The following CREB1 variants were observed in gnomAD, a reference collection of about 807,000 sequenced individuals.
CREB1 encodes cAMP responsive element binding protein 1.
In CREB1, 2 loss-of-function variants were observed where a neutral mutation model predicts 42.0. The observed-to-expected ratio is 0.05, with a 90% CI of 0.02 to 0.15. The LOEUF (loss-of-function observed/expected upper bound fraction) is 0.15, where lower values mean the gene tolerates loss of function less well. CREB1 is among the 10% of genes least tolerant of loss of function. CREB1 has a pLI of 1.00. For missense variants in CREB1, 199 were observed against 388.9 expected, an observed-to-expected ratio of 0.51 and a Z score of 4.11; for synonymous variants, 123 against 139.9, an observed-to-expected ratio of 0.88 and a Z score of 0.85.
chr2:207,590,093 T>TG (rs1445391262), intron 7 of CREB1, among the ~76,000 whole-genome samples: 3 of 141,102 alleles, frequency 2.1e-5, no homozygotes, highest in Non-Finnish European at 3.2e-5. Flanking sequence ...GTTTTTTTTT[T>TG]TTTTTTTTTT....
At chr2:207,537,828 G>A (rs537441324) in intron 1 of CREB1, among the ~76,000 whole-genome samples, 1 of 152,156 alleles carries the variant, frequency 6.6e-6, no homozygotes, top group South Asian at 2.1e-4. Context: ...GCCAGACAAG[G>A]CCCTATGAAG....
chr2:207,564,333 C>T (rs954964532), intron 3 of CREB1, among the ~76,000 whole-genome samples: 3 of 151,916 alleles, frequency 2.0e-5, no homozygotes, highest in African/African-American at 4.8e-5. Flanking sequence ...CATAGCAAGA[C>T]CCTGTCTCTA....
At chr2:207,569,678 T>C (rs2082279571) in intron 4 of CREB1, among the ~76,000 whole-genome samples, 8 of 152,084 alleles carry the variant, frequency 5.3e-5, no homozygotes, top group Admixed American at 5.2e-4. Context: ...TTTTTGTACA[T>C]ATTTGGGTTC....
intron 1 of CREB1, among the ~76,000 whole-genome samples, chr2:207,555,084 T>A (rs1260690094): frequency 6.6e-6 from 1 of 152,150 alleles, no homozygotes; most frequent in African/African-American, 2.4e-5. Flanking sequence ...CTCTAAAAAA[T>A]TTTGGGCTTG....
Position 207,555,616 on chromosome 2 carries a change from A to G in CREB1, c.-8-12A>G, listed in dbSNP as rs961180040. 1.9e-6 allele frequency: 3 copies of G among 1,539,740 alleles called. No homozygotes were observed. Among genetic ancestry groups the G allele is most frequent in the Non-Finnish European group, 1.8e-6 (2 of 1,114,726 alleles). ...ACTGTGGTGCTTGTAACACTCTTCCATATTATTATAGGTAACTAAATGACC... is the reference window on the plus strand; with the variant it reads ...ACTGTGGTGCTTGTAACACTCTTCCGTATTATTATAGGTAACTAAATGACC... On this transcript the variant is annotated splice_polypyrimidine_tract_variant and intron_variant, in intron 1 of 7. Transcript: ENST00000353267.
chr2:207,534,918 C>T (rs547928099), intron 1 of CREB1, among the ~76,000 whole-genome samples: 1 of 152,300 alleles, frequency 6.6e-6, no homozygotes, highest in South Asian at 2.1e-4. Flanking sequence ...GGTATACGCT[C>T]TCCTATATCA....
At chr2:207,561,097 T>C in intron 3 of CREB1, 1 of 1,610,812 alleles carries the variant, frequency 6.2e-7, no homozygotes, top group Non-Finnish European at 8.5e-7. Context: ...CAGCCTCCCA[T>C]TTCATATTTT....
At chr2:207,540,672 A>T (rs1418659391) in intron 1 of CREB1, among the ~76,000 whole-genome samples, 6 of 34,332 alleles carry the variant, frequency 1.7e-4, no homozygotes, top group Admixed American at 8.6e-4. Context: ...TAAAAAGTAA[A>T]AAAAAAAAAA....
In CREB1 at chr2:207,601,900, A is replaced by T. The variant is rs1175599654; in HGVS notation, c.*4842A>T. The T allele has an allele frequency of 9.4e-6, 2 of 213,656 alleles. No homozygotes were observed. Among genetic ancestry groups the T allele is most frequent in the African/African-American group, 4.5e-5 (2 of 44,216 alleles). 13.2% of individuals were successfully genotyped at this position (213,656 alleles called of 1,614,324 possible). A position where few individuals can be genotyped will look rare whatever the true frequency, so the allele number is the denominator to read the frequency against. ...ACATCTTGAATATTCTTAATGTAAT[A>T]ATGTTGACTATTAAGTTGGCTACAC... On this transcript the variant is annotated 3_prime_UTR_variant, in exon 8 of 8. Coordinates refer to ENST00000353267, the MANE Select transcript of CREB1 (RefSeq NM_004379.5).
At chr2:207,573,992 T>C (rs1050074676) in intron 5 of CREB1, among the ~76,000 whole-genome samples, 14 of 152,356 alleles carry the variant, frequency 9.2e-5, no homozygotes, top group Admixed American at 2.0e-4. Context: ...TACTCATTTT[T>C]CTCCCTGCCT....
chr2:207,552,437 G>A (rs571962813), intron 1 of CREB1, among the ~76,000 whole-genome samples: 4 of 152,076 alleles, frequency 2.6e-5, no homozygotes, highest in East Asian at 1.9e-4. Flanking sequence ...GTAAAACTAC[G>A]CATACCAGAT....
chr2:207,601,328 T>C lies in CREB1; in HGVS notation c.*4270T>C, dbSNP rs2106636866. The C allele has an allele frequency of 5.4e-6, 1 of 186,268 alleles. No individual in the cohort carries two copies. The highest frequency in any genetic ancestry group is 6.2e-5 in the Admixed American group (1 of 16,146). The allele number at this position is 186,268 out of a possible 1,614,324, so 11.5% of individuals were successfully genotyped here. ...CCTCATCAAGTAATTCTCAACTTTT[T>C]AGTCTTTCTCCTCTCTTCAAATCAT... On this transcript the variant is annotated 3_prime_UTR_variant, in exon 8 of 8. Transcript: ENST00000353267.
intron 7 of CREB1, among the ~76,000 whole-genome samples, chr2:207,587,203 C>A (rs1265793539): frequency 6.6e-6 from 1 of 152,090 alleles, no homozygotes; most frequent in Non-Finnish European, 1.5e-5. Context: ...ACCATCCTGG[C>A]TAACACGGTG....
intron 1 of CREB1, among the ~76,000 whole-genome samples, chr2:207,549,039 G>C (rs889595208): frequency 5.3e-5 from 8 of 152,108 alleles, no homozygotes; most frequent in Non-Finnish European, 1.2e-4. Flanking sequence ...ACCTTGGTAG[G>C]AGCACAGGGA....
intron 7 of CREB1, among the ~76,000 whole-genome samples, chr2:207,595,420 T>C: frequency 6.9e-6 from 1 of 144,344 alleles, no homozygotes; most frequent in East Asian, 1.9e-4. Context: ...ATATTCTAGA[T>C]TTTTTTTTTC....
intron 2 of CREB1, among the ~76,000 whole-genome samples, chr2:207,559,527 A>G (rs1256360954): frequency 6.6e-6 from 1 of 152,210 alleles, no homozygotes; most frequent in East Asian, 1.9e-4. Context: ...TAGGTCCCCA[A>G]TAACTGTTTC....
chr2:207,560,489 G>GCATATTCC, intron 3 of CREB1, 117 bp downstream of exon 3: 1 of 965,644 alleles, frequency 1.0e-6, no homozygotes, highest in Non-Finnish European at 1.5e-6. Context: ...TTTATTCACA[G>GCATATTCC]TATAGGAATA....
intron 7 of CREB1, among the ~76,000 whole-genome samples, chr2:207,593,529 C>A (rs1407753967): frequency 6.6e-6 from 1 of 151,938 alleles, no homozygotes; most frequent in Admixed American, 6.5e-5. Context: ...GACCCCATCT[C>A]AAAAATGAAA....
At chr2:207,537,558 CA>C (rs2080924809) in intron 1 of CREB1, among the ~76,000 whole-genome samples, 1 of 152,080 alleles carries the variant, frequency 6.6e-6, no homozygotes, top group South Asian at 2.1e-4. Context: ...TTTTCTCTGC[CA>C]ATTAAATATA....
Sources: gnomAD v4.1 joint callset for allele counts (sites outside exome capture counted in the v4.1 genomes callset) on GRCh38, gnomAD v4.1.1 for gene constraint, MANE v1.5 for transcripts, NCBI Gene and HGNC (gene_info 2026-07-23, HGNC 2026-07-21) for gene names.